The following INPP5F variants were observed in gnomAD, a reference collection of about 807,000 sequenced individuals.
INPP5F encodes the protein inositol polyphosphate-5-phosphatase F, also known as phosphatidylinositide 4-phosphatase SAC2.
INPP5F carries 97 observed loss-of-function variants against 137.2 expected under a neutral mutation model. That is an observed-to-expected ratio of 0.71 (90% CI 0.60 to 0.84). The LOEUF (loss-of-function observed/expected upper bound fraction) is 0.84. Among genes scored for constraint, INPP5F ranks in the 40% least tolerant of loss-of-function variants. The pLI, the probability that INPP5F is intolerant of heterozygous loss-of-function variation, is 0.00. For missense variants in INPP5F, 1,271 were observed against 1,371.9 expected, an observed-to-expected ratio of 0.93 and a Z score of 1.16; for synonymous variants, 504 against 476.9, an observed-to-expected ratio of 1.06 and a Z score of -0.74.
chr10:119,792,244 G>C, intron 6 of INPP5F, 31 bp downstream of exon 6: 1 of 1,495,938 alleles, frequency 6.7e-7, no homozygotes, highest in Non-Finnish European at 9.3e-7. Context: ...TTTCCTAACC[G>C]TAATGAAATT....
At chr10:119,805,185 G>A (rs774434488) in intron 10 of INPP5F, among the ~76,000 whole-genome samples, 199 bp from the exon 11 acceptor site, 103 of 152,286 alleles carry the variant, frequency 6.8e-4, no homozygotes, top group Non-Finnish European at 1.2e-3. Context: ...GTGTTTTTAA[G>A]TATGCTTTAT....
chr10:119,814,466 TCATCAGTCACACGTAACTTAC>T (rs1182850416), intron 15 of INPP5F: 1 of 152,216 alleles, frequency 6.6e-6, no homozygotes, highest in Non-Finnish European at 1.5e-5. Flanking sequence ...ACGTAACTTA[TCATCAGTCACACGTAACTTAC>T]CATCAGTGAC....
At position 119,829,080 on chromosome 10, in the gene INPP5F, CTA is replaced by C. The variant is rs574390759; in HGVS notation, c.*1302_*1303del. ...ATTCCACTTTTGTTATTTATTAGTGCTATCTTTTTTTTTTACGTGTTAAATCT... is the reference window on the plus strand; with the variant it reads ...ATTCCACTTTTGTTATTTATTAGTGCTCTTTTTTTTTTACGTGTTAAATCT... On this transcript the variant is annotated 3_prime_UTR_variant, in exon 20 of 20. Transcript: ENST00000650623. 5.2e-5 allele frequency: 8 copies of C among 152,462 alleles called. No individual in the cohort carries two copies. In the South Asian group the frequency reaches 1.7e-3, roughly 32 times the overall value. 9.4% of individuals were successfully genotyped at this position (152,462 alleles called of 1,614,324 possible).
rs1205296375 is a variant in INPP5F at position 119,748,274 on chromosome 10, A to G, written c.98-2802A>G. Among the ~76,000 whole-genome samples, 1 of 152,216 alleles carries G rather than the reference A, an allele frequency of 6.6e-6. No homozygotes were observed. Among genetic ancestry groups the G allele is most frequent in the Non-Finnish European group, 1.5e-5 (1 of 68,038 alleles). The stretch of plus-strand genomic sequence containing the variant: ...CAGTTTCTGCTGCAGGTACTGGGGA[A>G]TGCAGTGATGCCCGGAAGCTTGGAG... On this transcript the variant is annotated intron_variant, in intron 1 of 19. Transcript: ENST00000650623. This position sits in a 1 kb window ranked among gnomAD's most constrained non-coding sequence, Gnocchi z 4.7.
intron 2 of INPP5F, among the ~76,000 whole-genome samples, chr10:119,774,121 G>A (rs912929169): frequency 1.3e-5 from 2 of 151,900 alleles, no homozygotes; most frequent in African/African-American, 4.8e-5. Flanking sequence ...AATTAGCTAG[G>A]CATGGTGGCG....
At chr10:119,794,552 G>A (rs1350881972) in intron 6 of INPP5F, among the ~76,000 whole-genome samples, 10 of 151,708 alleles carry the variant, frequency 6.6e-5, no homozygotes, top group Non-Finnish European at 1.5e-4. Flanking sequence ...CCCAGACGGG[G>A]TGGTGGCCGG....
At chr10:119,818,506 C>G (rs529925057) in intron 15 of INPP5F, among the ~76,000 whole-genome samples, 121 of 152,320 alleles carry the variant, frequency 7.9e-4, no homozygotes, top group African/African-American at 2.8e-3. Context: ...CTGTCCCTGA[C>G]GAAGGCGAAG....
intron 1 of INPP5F, among the ~76,000 whole-genome samples, chr10:119,747,390 T>G (rs1388159835): frequency 6.6e-6 from 1 of 151,794 alleles, no homozygotes; most frequent in Non-Finnish European, 1.5e-5. Flanking sequence ...CCCAGCTAAT[T>G]TTTTGTGTAT....
chr10:119,797,913 T>C (rs1461391071), intron 8 of INPP5F, among the ~76,000 whole-genome samples: 1 of 152,210 alleles, frequency 6.6e-6, no homozygotes, highest in Non-Finnish European at 1.5e-5. Flanking sequence ...GAGTACTTTA[T>C]TGAATGTTTA....
At chr10:119,726,518 G>A (rs1350909408) in intron 1 of INPP5F, among the ~76,000 whole-genome samples, 159 bp downstream of exon 1, 3 of 152,188 alleles carry the variant, frequency 2.0e-5, no homozygotes, top group Non-Finnish European at 4.4e-5. Flanking sequence ...TTCCCTGACT[G>A]GAAGGAGCCT....
intron 10 of INPP5F, among the ~76,000 whole-genome samples, chr10:119,804,727 CT>C (rs879653729): frequency 2.2e-3 from 323 of 143,676 alleles, no homozygotes; most frequent in Middle Eastern, 3.6e-3. Context: ...ATCAGGGCAT[CT>C]TTTTTTTTTT....
chr10:119,746,051 T>C (rs923182272), intron 1 of INPP5F, among the ~76,000 whole-genome samples: 1 of 152,178 alleles, frequency 6.6e-6, no homozygotes, highest in Non-Finnish European at 1.5e-5. Flanking sequence ...CTTAGTTTAC[T>C]TTTCTAGCAT....
intron 1 of INPP5F, among the ~76,000 whole-genome samples, chr10:119,741,863 C>T (rs1044041162): frequency 2.6e-5 from 4 of 151,976 alleles, no homozygotes; most frequent in Non-Finnish European, 5.9e-5. Context: ...GATGGAGTCT[C>T]ACTCTGTTGC....
At chr10:119,819,838 A>C (rs1179231009) in intron 15 of INPP5F, 1 of 253,156 alleles carries the variant, frequency 4.0e-6, no homozygotes, top group Non-Finnish European at 7.5e-6. Context: ...GATTATGGTA[A>C]ATCCTTCCCT....
intron 2 of INPP5F, among the ~76,000 whole-genome samples, chr10:119,758,772 CAAGT>C: frequency 6.6e-6 from 1 of 152,302 alleles, no homozygotes; most frequent in South Asian, 2.1e-4. Flanking sequence ...AAAATTCACT[CAAGT>C]AAATCTCATT....
At chr10:119,734,170 A>G (rs1369520965) in intron 1 of INPP5F, among the ~76,000 whole-genome samples, 2 of 152,230 alleles carry the variant, frequency 1.3e-5, no homozygotes, top group African/African-American at 4.8e-5. Flanking sequence ...TGGGACCCAT[A>G]GACATCTTTG....
intron 12 of INPP5F, 115 bp downstream of exon 12, chr10:119,806,595 A>G: frequency 2.1e-6 from 2 of 942,350 alleles, no homozygotes; most frequent in South Asian, 4.6e-5. Flanking sequence ...AACATTTACA[A>G]TATACAAACA....
intron 9 of INPP5F, among the ~76,000 whole-genome samples, chr10:119,798,911 A>G (rs1850488919): frequency 6.6e-6 from 1 of 151,042 alleles, no homozygotes; most frequent in Non-Finnish European, 1.5e-5. Context: ...GACTGCAGGC[A>G]TGTGCCACTG....
At chr10:119,756,865 C>CAAAAA (rs11415974) in intron 2 of INPP5F, among the ~76,000 whole-genome samples, 14 of 97,134 alleles carry the variant, frequency 1.4e-4, no homozygotes, top group South Asian at 4.2e-4. Flanking sequence ...AGCTCTGCCA[C>CAAAAA]AAAAAAAAAA....
Sources: gnomAD v4.1 joint callset for allele counts (sites outside exome capture counted in the v4.1 genomes callset) on GRCh38, gnomAD v4.1.1 for gene constraint, Gnocchi (gnomAD v3.1) non-coding constraint, MANE v1.5 for transcripts, NCBI Gene and HGNC (gene_info 2026-07-23, HGNC 2026-07-21) for gene names.